Variants in SORCS2 observed in about 807,000 individuals in gnomAD.
The protein encoded by SORCS2 is VPS10 domain-containing receptor SorCS2.
Under a neutral mutation model 141.6 loss-of-function variants are expected in SORCS2, and 100 were observed. The observed-to-expected ratio is 0.71, with a 90% CI of 0.60 to 0.83. The LOEUF (loss-of-function observed/expected upper bound fraction) is 0.83, where lower values mean the gene tolerates loss of function less well. SORCS2 is among the 40% of genes least tolerant of loss of function. The probability of loss-of-function intolerance (pLI) is 0.00; values close to 1 mark genes in which losing one functional copy is unlikely to be tolerated. For missense variants in SORCS2, 1,646 were observed against 1,560.2 expected, an observed-to-expected ratio of 1.05 and a Z score of -0.93; for synonymous variants, 789 against 676.9, an observed-to-expected ratio of 1.17 and a Z score of -2.57.
intron 11 of SORCS2, among the ~76,000 whole-genome samples, chr4:7,693,897 G>T (rs1724424532): frequency 6.6e-6 from 1 of 152,224 alleles, no homozygotes; most frequent in Non-Finnish European, 1.5e-5. Context: ...GTGGGGTTGG[G>T]AGCTGAACTG....
intron 3 of SORCS2, among the ~76,000 whole-genome samples, chr4:7,550,820 C>T (rs1713642843): frequency 6.6e-6 from 1 of 152,198 alleles, no homozygotes; most frequent in Non-Finnish European, 1.5e-5. Context: ...ATGTTCATTA[C>T]CACTTGAGGT....
intron 3 of SORCS2, among the ~76,000 whole-genome samples, chr4:7,565,695 A>G (rs1714925462): frequency 6.6e-6 from 1 of 150,640 alleles, no homozygotes; most frequent in Non-Finnish European, 1.5e-5. Context: ...GGTGATGTTT[A>G]TGATGATGAC....
chr4:7,718,003 T>A lies in SORCS2; in HGVS notation c.2253-9T>A. 1 of 1,596,532 alleles carries A rather than the reference T, an allele frequency of 6.3e-7. No homozygotes were observed. The highest frequency in any genetic ancestry group is 8.5e-7 in the Non-Finnish European group (1 of 1,170,726). ...TGAAGCGGACCCTGACCCTCTCTTG[T>A]CAATCCAGGTACCGGAAAGTGGTGT... On this transcript the variant is annotated splice_polypyrimidine_tract_variant and intron_variant, in intron 17 of 26. Transcript: ENST00000507866.
At chr4:7,707,477 C>T (rs1001097216) in intron 14 of SORCS2, among the ~76,000 whole-genome samples, 2 of 152,198 alleles carry the variant, frequency 1.3e-5, no homozygotes, top group African/African-American at 4.8e-5. Context: ...AGTGTGGACC[C>T]CTCTCAGGGT....
intron 14 of SORCS2, among the ~76,000 whole-genome samples, chr4:7,712,528 T>C (rs550813161): frequency 6.6e-6 from 1 of 152,192 alleles, no homozygotes; most frequent in Admixed American, 6.5e-5. Context: ...TGTGGGAATA[T>C]TCACGCCGAA....
At chr4:7,259,484 C>G (rs1204725109) in intron 1 of SORCS2, among the ~76,000 whole-genome samples, 2 of 152,226 alleles carry the variant, frequency 1.3e-5, no homozygotes, top group Non-Finnish European at 2.9e-5. Flanking sequence ...GCTGAGGGCG[C>G]TCTTCCTGGT....
chr4:7,327,159 T>C (rs1352947160), intron 1 of SORCS2, among the ~76,000 whole-genome samples: 1 of 152,204 alleles, frequency 6.6e-6, no homozygotes, highest in Non-Finnish European at 1.5e-5. Flanking sequence ...TCCACCGAGC[T>C]GGGGGCGTCA....
chr4:7,221,020 G>A (rs1728670672), intron 1 of SORCS2, among the ~76,000 whole-genome samples: 1 of 152,216 alleles, frequency 6.6e-6, no homozygotes, highest in Admixed American at 6.5e-5. Flanking sequence ...GCAGAATGCT[G>A]TTTAATAAAT....
intron 1 of SORCS2, among the ~76,000 whole-genome samples, chr4:7,308,728 C>A (rs1412551373): frequency 6.6e-6 from 1 of 152,040 alleles, no homozygotes; most frequent in Non-Finnish European, 1.5e-5. Flanking sequence ...CTCTCCAGCA[C>A]CCTGTCCTCT....
intron 5 of SORCS2, among the ~76,000 whole-genome samples, chr4:7,661,204 G>A (rs191678854): frequency 0.023 from 3,542 of 152,114 alleles, 63 homozygotes; most frequent in Non-Finnish European, 0.038. Flanking sequence ...TCCCATGGCA[G>A]GAAGAAACCC....
intron 2 of SORCS2, among the ~76,000 whole-genome samples, chr4:7,502,913 G>A (rs1450579979): frequency 6.6e-6 from 1 of 152,206 alleles, no homozygotes; most frequent in African/African-American, 2.4e-5. Context: ...GTGACCCAGG[G>A]AAAGTGGGGC....
chr4:7,431,903 T>A (rs1726889138), intron 2 of SORCS2: 1 of 152,142 alleles, frequency 6.6e-6, no homozygotes. Context: ...CACCTCTTAC[T>A]CAAGAGGAGA....
intron 3 of SORCS2, among the ~76,000 whole-genome samples, chr4:7,592,694 A>T (rs1717000275): frequency 6.6e-6 from 1 of 152,248 alleles, no homozygotes; most frequent in Non-Finnish European, 1.5e-5. Flanking sequence ...ACTATGGACA[A>T]ATAGCATGAG....
At chr4:7,259,782 T>C (rs1378733147) in intron 1 of SORCS2, among the ~76,000 whole-genome samples, 1 of 152,206 alleles carries the variant, frequency 6.6e-6, no homozygotes, top group East Asian at 1.9e-4. Context: ...CATCTCCCCA[T>C]CTTACAGATG....
rs1388557849 is a variant in SORCS2, at chr4:7,503,049, G to A, written c.549-28481G>A. Among the ~76,000 whole-genome samples the A allele has an allele frequency of 2.6e-5, 4 of 152,326 alleles. 1 individual carries two copies. In the East Asian group the frequency reaches 5.8e-4, roughly 22 times the overall value. ...AGCCGAGCAGAGAGGCCCTGCCAGC[G>A]GTAGCATCCTGCCTCCGGGAGCACA... is the stretch of plus-strand genomic sequence containing the variant. On this transcript the variant is annotated intron_variant, in intron 2 of 26. Coordinates refer to ENST00000507866, the MANE Select transcript of SORCS2 (RefSeq NM_020777.3).
At chr4:7,307,543 C>A (rs1268657958) in intron 1 of SORCS2, among the ~76,000 whole-genome samples, 1 of 152,238 alleles carries the variant, frequency 6.6e-6, no homozygotes, top group Non-Finnish European at 1.5e-5. Flanking sequence ...CAGAGCCAGG[C>A]TGGGGCAGGT....
At chr4:7,608,891 G>A (rs1326096680) in intron 3 of SORCS2, among the ~76,000 whole-genome samples, 2 of 152,108 alleles carry the variant, frequency 1.3e-5, no homozygotes, top group East Asian at 3.9e-4. Context: ...CCATTCAAAG[G>A]GAGCCGCTCA....
intron 2 of SORCS2, among the ~76,000 whole-genome samples, chr4:7,509,709 C>A (rs116693779): frequency 6.6e-6 from 1 of 152,184 alleles, no homozygotes; most frequent in African/African-American, 2.4e-5. Context: ...AGCCATTCTG[C>A]TGCCAGGCTA....
intron 1 of SORCS2, among the ~76,000 whole-genome samples, chr4:7,341,438 G>C (rs1720364492): frequency 6.6e-6 from 1 of 152,224 alleles, no homozygotes. Context: ...TGTGTTGGCT[G>C]TTTGTGGCCA....
Sources: allele counts gnomAD v4.1 joint callset (sites outside exome capture counted in the v4.1 genomes callset), GRCh38; gene constraint gnomAD v4.1.1; transcripts MANE v1.5; gene names NCBI Gene and HGNC (gene_info 2026-07-23, HGNC 2026-07-21).